PLPPR1: variants seen among roughly 807,000 people sequenced by gnomAD.
PLPPR1 encodes phospholipid phosphatase related 1.
PLPPR1 carries 10 observed loss-of-function variants against 33.1 expected under a neutral mutation model. The ratio of observed to expected loss-of-function variants is 0.30; its 90% confidence interval spans 0.19 to 0.51. The LOEUF (loss-of-function observed/expected upper bound fraction) is 0.51, where lower values mean the gene tolerates loss of function less well. Among genes scored for constraint, PLPPR1 ranks in the 20% least tolerant of loss-of-function variants. PLPPR1 has a pLI of 0.97. For synonymous variants in PLPPR1, 151 were observed against 151.0 expected (o/e 1.00, Z 0.00); for missense variants, 304 against 408.1 (o/e 0.74, Z 2.20).
intron 1 of PLPPR1, among the ~76,000 whole-genome samples, chr9:101,174,698 A>C (rs1825994173): frequency 6.6e-6 from 1 of 152,210 alleles, no homozygotes; most frequent in Non-Finnish European, 1.5e-5. Flanking sequence ...CCTAGGAATG[A>C]TTATATTTCT....
At position 101,265,073 on chromosome 9, in the gene PLPPR1, G is replaced by T. The variant is rs142681790; in HGVS notation, c.64-4807G>T. Among the ~76,000 whole-genome samples, 89 of 152,148 alleles carry T rather than the reference G, an allele frequency of 5.8e-4. 1 individual carries two copies. Among genetic ancestry groups the T allele is most frequent in the Middle Eastern group, 6.8e-3 (2 of 294 alleles). ...CCAGACTTAACAGCCTGTTGGAAAA[G>T]GTTCTCATCCTCTTCTCTCAGCTTT... On this transcript the variant is annotated intron_variant, in intron 2 of 7. Coordinates refer to ENST00000374874, the MANE Select transcript of PLPPR1 (RefSeq NM_207299.2).
At chr9:101,192,662 A>G (rs1015545616) in intron 2 of PLPPR1, among the ~76,000 whole-genome samples, 7 of 152,088 alleles carry the variant, frequency 4.6e-5, no homozygotes, top group East Asian at 1.9e-4. Context: ...AAGAAAACCA[A>G]TGAAACACAC....
chr9:101,222,512 G>C (rs1826966559), intron 2 of PLPPR1, among the ~76,000 whole-genome samples: 1 of 152,056 alleles, frequency 6.6e-6, no homozygotes, highest in Non-Finnish European at 1.5e-5. Context: ...TTCTCCTAGG[G>C]TACCTCCACT....
At chr9:101,065,580 A>C (rs1588013839) in intron 1 of PLPPR1, among the ~76,000 whole-genome samples, 1 of 152,052 alleles carries the variant, frequency 6.6e-6, no homozygotes, top group East Asian at 1.9e-4. Context: ...ATTGTCAAGC[A>C]TTCTGGGATG....
At chr9:101,234,853 T>A (rs1016572938) in intron 2 of PLPPR1, among the ~76,000 whole-genome samples, 1 of 151,958 alleles carries the variant, frequency 6.6e-6, no homozygotes, top group African/African-American at 2.4e-5. Flanking sequence ...CAGAGAAATT[T>A]ATTGATGTGT....
intron 1 of PLPPR1, among the ~76,000 whole-genome samples, chr9:101,044,792 GA>G (rs1331830099): frequency 6.6e-6 from 1 of 152,150 alleles, no homozygotes; most frequent in Non-Finnish European, 1.5e-5. Flanking sequence ...GTTTCTCTTT[GA>G]TGTGTCTAGG....
chr9:101,135,203 C>G (rs1035833638), intron 1 of PLPPR1, among the ~76,000 whole-genome samples: 1 of 152,066 alleles, frequency 6.6e-6, no homozygotes, highest in Non-Finnish European at 1.5e-5. Flanking sequence ...AATCGCTGCC[C>G]TTTTTCTATC....
intron 1 of PLPPR1, among the ~76,000 whole-genome samples, chr9:101,141,714 A>C (rs551552159): frequency 6.6e-6 from 1 of 152,292 alleles, no homozygotes; most frequent in East Asian, 1.9e-4. Context: ...AATAGGATGG[A>C]CATGGGAAAG....
intron 4 of PLPPR1, among the ~76,000 whole-genome samples, chr9:101,306,777 G>C (rs1828867045): frequency 6.6e-6 from 1 of 152,174 alleles, no homozygotes; most frequent in Non-Finnish European, 1.5e-5. Flanking sequence ...CCAAGATACA[G>C]AGACATTTTT....
intron 1 of PLPPR1, among the ~76,000 whole-genome samples, chr9:101,062,593 A>T (rs1262848988): frequency 6.6e-6 from 1 of 152,114 alleles, no homozygotes; most frequent in Non-Finnish European, 1.5e-5. Context: ...CATTTAGGGA[A>T]CATGTTTAGA....
chr9:101,089,057 T>A lies in PLPPR1; in HGVS notation c.-46+59955T>A, dbSNP rs1830712318. ...TTCCTGGTGAGTTGTCATGGATCTC[T>A]GATTCCTGATAAGCTAATTCTAGGA... On this transcript the variant is annotated intron_variant, in intron 1 of 7. Coordinates refer to ENST00000374874, the MANE Select transcript of PLPPR1 (RefSeq NM_207299.2). Among the ~76,000 whole-genome samples the A allele has an allele frequency of 2.0e-5, 3 of 152,198 alleles. No individual in the cohort carries two copies. In the South Asian group the frequency reaches 6.2e-4, roughly 31 times the overall value.
chr9:101,261,513 C>T (rs991404799), intron 2 of PLPPR1, among the ~76,000 whole-genome samples: 1 of 152,140 alleles, frequency 6.6e-6, no homozygotes, highest in African/African-American at 2.4e-5. Context: ...TTTGAAGTCC[C>T]TCAGTTTTCA....
At chr9:101,123,860 G>A (rs1404679494) in intron 1 of PLPPR1, among the ~76,000 whole-genome samples, 2 of 152,038 alleles carry the variant, frequency 1.3e-5, no homozygotes, top group African/African-American at 4.8e-5. Context: ...GTGCGTCAGG[G>A]TAGCCTTCCA....
Position 101,043,135 on chromosome 9 carries a change from A to ATAGTTTAT in PLPPR1, c.-46+14033_-46+14034insTAGTTTAT, listed in dbSNP as rs1378597482. ...TTTCCTTCCTCATAGTTTAGCTCCC[A>ATAGTTTAT]CTTATGAGTGAGAACATACGATGTT... On this transcript the variant is annotated intron_variant, in intron 1 of 7. Transcript: ENST00000374874. Among the ~76,000 whole-genome samples the ATAGTTTAT allele has an allele frequency of 4.6e-5, 7 of 151,804 alleles. No homozygotes were observed. The East Asian group carries it at 1.4e-3, about 30-fold the overall frequency.
At chr9:101,177,465 A>C (rs1036429899) in intron 1 of PLPPR1, among the ~76,000 whole-genome samples, 2 of 152,190 alleles carry the variant, frequency 1.3e-5, no homozygotes, top group Non-Finnish European at 2.9e-5. Context: ...TAAGAGTTTT[A>C]CTAAGGGTGT....
At chr9:101,264,366 G>A (rs1171340775) in intron 2 of PLPPR1, among the ~76,000 whole-genome samples, 1 of 151,960 alleles carries the variant, frequency 6.6e-6, no homozygotes, top group African/African-American at 2.4e-5. Context: ...ACCCTAAGCA[G>A]ACACCACACA....
intron 2 of PLPPR1, among the ~76,000 whole-genome samples, chr9:101,233,765 GC>G (rs900735403): frequency 6.6e-6 from 1 of 151,900 alleles, no homozygotes; most frequent in Non-Finnish European, 1.5e-5. Flanking sequence ...TTGTGATACA[GC>G]TGCACAAAAT....
intron 1 of PLPPR1, among the ~76,000 whole-genome samples, chr9:101,054,319 G>T (rs2118450997): frequency 6.6e-6 from 1 of 151,930 alleles, no homozygotes; most frequent in Non-Finnish European, 1.5e-5. Context: ...ACCCCAAGTA[G>T]CCTGAATTCT....
chr9:101,064,704 G>A (rs1588013422), intron 1 of PLPPR1, among the ~76,000 whole-genome samples: 1 of 152,152 alleles, frequency 6.6e-6, no homozygotes, highest in South Asian at 2.1e-4. Context: ...CTGAGACTGA[G>A]TAATTTATAA....
Sources: allele counts gnomAD v4.1 joint callset (sites outside exome capture counted in the v4.1 genomes callset), GRCh38; gene constraint gnomAD v4.1.1; transcripts MANE v1.5; gene names NCBI Gene and HGNC (gene_info 2026-07-23, HGNC 2026-07-21).